TMEM266: variants seen among roughly 807,000 people sequenced by gnomAD.
The protein encoded by TMEM266 is transmembrane protein 266, also known as Hv1 related protein 1.
TMEM266 carries 33 observed loss-of-function variants against 50.5 expected under a neutral mutation model. The observed-to-expected ratio is 0.65, with a 90% CI of 0.50 to 0.87. The LOEUF is 0.87. Ranked by LOEUF, TMEM266 falls within the 40% of genes least tolerant of loss-of-function variation. The pLI, the probability that TMEM266 is intolerant of heterozygous loss-of-function variation, is 0.00. For synonymous variants in TMEM266, 310 were observed against 292.3 expected (o/e 1.06, Z -0.62); for missense variants, 655 against 695.1 (o/e 0.94, Z 0.65).
At position 76,093,471 on chromosome 15, in the gene TMEM266, T is replaced by G. The variant is rs2036881371; in HGVS notation, c.-97+33455T>G. Among the ~76,000 whole-genome samples, 3 of 152,078 alleles carry G rather than the reference T, an allele frequency of 2.0e-5. No homozygotes were observed. The South Asian group carries it at 6.2e-4, about 31-fold the overall frequency. ...TGTCCCTGCAAAGGACATGAACTCA[T>G]TCTTTTTTATGGCTGCATAGTATTC... On this transcript the variant is annotated intron_variant, in intron 1 of 10. Transcript: ENST00000388942.
intron 1 of TMEM266, among the ~76,000 whole-genome samples, chr15:76,074,364 A>G (rs2036576337): frequency 6.6e-6 from 1 of 152,044 alleles, no homozygotes; most frequent in South Asian, 2.1e-4. Context: ...AGTCGTCACC[A>G]CCATCCACGT....
At position 76,118,478 on chromosome 15, in the gene TMEM266, G is replaced by A. The variant is rs147917012; in HGVS notation, c.-96-15690G>A. 5.1e-3 allele frequency among the ~76,000 whole-genome samples: 783 copies of A among 152,330 alleles called. 7 individuals carry two copies. The highest frequency in any genetic ancestry group is 0.018 in the African/African-American group (753 of 41,592). On this transcript the variant is annotated intron_variant, in intron 1 of 10. Coordinates refer to ENST00000388942, the MANE Select transcript of TMEM266 (RefSeq NM_152335.3). ...GGAGGCTAAGGCAGAAGAATCACTTGAACCTGGGAGGCAGAGATTGCAGTG... is the reference window on the plus strand; with the variant it reads ...GGAGGCTAAGGCAGAAGAATCACTTAAACCTGGGAGGCAGAGATTGCAGTG...
At chr15:76,191,679 C>G (rs935558546) in intron 8 of TMEM266, 1 of 371,808 alleles carries the variant, frequency 2.7e-6, no homozygotes, top group African/African-American at 2.1e-5. Context: ...AGTGGCCTTT[C>G]CACAAAGGAA....
At chr15:76,116,902 T>A (rs1444369904) in intron 1 of TMEM266, among the ~76,000 whole-genome samples, 7 of 150,350 alleles carry the variant, frequency 4.7e-5, no homozygotes, top group Admixed American at 3.3e-4. Flanking sequence ...TCTTCTTTTT[T>A]TTTTTTTTTT....
At chr15:76,078,410 G>C (rs1380554779) in intron 1 of TMEM266, among the ~76,000 whole-genome samples, 2 of 151,080 alleles carry the variant, frequency 1.3e-5, no homozygotes, top group Non-Finnish European at 2.9e-5. Context: ...TTTATTTCTT[G>C]TGAGTCTGAT....
chr15:76,126,341 ATG>A (rs2037422218), intron 1 of TMEM266, among the ~76,000 whole-genome samples: 1 of 147,264 alleles, frequency 6.8e-6, no homozygotes, highest in African/African-American at 2.5e-5. Context: ...ATAGACAAAT[ATG>A]TGTGTGTACA....
At position 76,093,403 on chromosome 15, in the gene TMEM266, C is replaced by T. The variant is rs2036880609; in HGVS notation, c.-97+33387C>T. ...AACATGCGGTGTTTGATTTTCTGTT[C>T]TTGTGATAGTTTGCTGAGAATGATG... On this transcript the variant is annotated intron_variant, in intron 1 of 10. Coordinates refer to ENST00000388942, the MANE Select transcript of TMEM266 (RefSeq NM_152335.3). 2.0e-5 allele frequency among the ~76,000 whole-genome samples: 3 copies of T among 150,480 alleles called. No individual in the cohort carries two copies. In the South Asian group the frequency reaches 6.3e-4, roughly 31 times the overall value.
intron 1 of TMEM266, among the ~76,000 whole-genome samples, chr15:76,118,549 ACT>A (rs1403596086): frequency 6.6e-6 from 1 of 152,042 alleles, no homozygotes; most frequent in Non-Finnish European, 1.5e-5. Context: ...TCAGAGCGAG[ACT>A]CTGTCTCAAA....
intron 1 of TMEM266, among the ~76,000 whole-genome samples, chr15:76,064,593 A>G (rs2036376715): frequency 6.6e-6 from 1 of 152,174 alleles, no homozygotes; most frequent in Non-Finnish European, 1.5e-5. Flanking sequence ...GGATGGCTTT[A>G]ATTGCTGCCC....
chr15:76,100,157 T>G (rs2036981446), intron 1 of TMEM266, among the ~76,000 whole-genome samples: 1 of 152,124 alleles, frequency 6.6e-6, no homozygotes, highest in African/African-American at 2.4e-5. Flanking sequence ...GGGCAGGAGA[T>G]ACTCACCCAA....
At chr15:76,162,795 C>T (rs1437200201) in intron 5 of TMEM266, among the ~76,000 whole-genome samples, 1 of 152,184 alleles carries the variant, frequency 6.6e-6, no homozygotes, top group Admixed American at 6.5e-5. Context: ...ACCACAGACC[C>T]AGGACGACTG....
rs936148649 is a variant in TMEM266, at chr15:76,060,278, C to A, written c.-97+262C>A. On this transcript the variant is annotated intron_variant, in intron 1 of 10. Transcript: ENST00000388942. ...TTTATTTTTGCAAACTGCCCTGGTT[C>A]GGGTCCAGCTGCAGATGCCTTACCT... Among the ~76,000 whole-genome samples, 6 of 152,046 alleles carry A rather than the reference C, an allele frequency of 3.9e-5. No homozygotes were observed. In the South Asian group the frequency reaches 1.2e-3, roughly 32 times the overall value.
chr15:76,121,713 G>A (rs772237715), intron 1 of TMEM266, among the ~76,000 whole-genome samples: 3 of 152,232 alleles, frequency 2.0e-5, no homozygotes, highest in East Asian at 1.9e-4. Flanking sequence ...CACCACACCC[G>A]GCCAAAACAA....
At position 76,166,273 on chromosome 15, in the gene TMEM266, G is replaced by A. The variant is rs555314870; in HGVS notation, c.457-3543G>A. ...AGCAGGTGGGGTGTATCAGAGCCAG[G>A]GTCACTCTGGCCTTGACCCTGACCT... On this transcript the variant is annotated intron_variant, in intron 5 of 10. Transcript: ENST00000388942. Among the ~76,000 whole-genome samples, 547 of 152,262 alleles carry A rather than the reference G, an allele frequency of 3.6e-3. 2 individuals are homozygous for A. The highest frequency in any genetic ancestry group is 5.8e-3 in the Non-Finnish European group (393 of 68,006).
intron 3 of TMEM266, 114 bp from the exon 4 acceptor site, chr15:76,156,490 A>G (rs150061924): frequency 5.4e-6 from 6 of 1,102,358 alleles, no homozygotes; most frequent in Non-Finnish European, 7.9e-6. Context: ...AGAGCCAGGG[A>G]GAGAGCCCGG....
chr15:76,177,088 G>A (rs2038295507), intron 8 of TMEM266, among the ~76,000 whole-genome samples: 1 of 152,066 alleles, frequency 6.6e-6, no homozygotes, highest in Non-Finnish European at 1.5e-5. Flanking sequence ...CCCCCCGCCA[G>A]TAGCCTCTGC....
intron 7 of TMEM266, among the ~76,000 whole-genome samples, chr15:76,172,414 A>T (rs2038200188): frequency 6.6e-6 from 1 of 152,198 alleles, no homozygotes; most frequent in African/African-American, 2.4e-5. Flanking sequence ...TTGATTGCAG[A>T]TGATAAAAAT....
intron 10 of TMEM266, 80 bp downstream of exon 10, chr15:76,202,344 AAAGCATGC>A: frequency 7.8e-7 from 1 of 1,289,512 alleles, no homozygotes; most frequent in East Asian, 2.4e-5. Flanking sequence ...GCCTGGCTTC[AAAGCATGC>A]CCATCACCTG....
At chr15:76,074,554 A>G (rs2036579385) in intron 1 of TMEM266, among the ~76,000 whole-genome samples, 1 of 152,078 alleles carries the variant, frequency 6.6e-6, no homozygotes, top group Admixed American at 6.5e-5. Context: ...TGTGGACATC[A>G]AAGAGGCCTG....
Sources: gnomAD v4.1 joint callset for allele counts (sites outside exome capture counted in the v4.1 genomes callset) on GRCh38, gnomAD v4.1.1 for gene constraint, MANE v1.5 for transcripts, NCBI Gene and HGNC (gene_info 2026-07-23, HGNC 2026-07-21) for gene names.